Variants in SLC35F2 observed in about 807,000 individuals in gnomAD.
SLC35F2 encodes queuine/queuosine transporter SLC35F2.
A neutral mutation model predicts 38.1 loss-of-function variants in SLC35F2; 25 were observed. The ratio of observed to expected loss-of-function variants is 0.66; its 90% CI spans 0.48 to 0.92. The LOEUF is 0.92. SLC35F2 is among the 40% of genes least tolerant of loss of function. The pLI is 0.00. For missense variants in SLC35F2, 409 were observed against 452.9 expected (o/e 0.90, Z 0.88); for synonymous variants, 173 against 181.7 (o/e 0.95, Z 0.38).
intron 7 of SLC35F2, among the ~76,000 whole-genome samples, chr11:107,800,295 AT>A (rs1859287334): frequency 6.8e-6 from 1 of 147,646 alleles, no homozygotes; most frequent in Admixed American, 6.7e-5. Context: ...GTTCCTTCAC[AT>A]GTAACCTTGC....
At chr11:107,810,263 G>T (rs2134783671) in intron 3 of SLC35F2, 1 of 985,352 alleles carries the variant, frequency 1.0e-6, no homozygotes, top group South Asian at 4.7e-5. Context: ...TTTTCTAAGA[G>T]GCTAGCGTGA....
At chr11:107,852,461 G>A (rs1393230153) in intron 1 of SLC35F2, among the ~76,000 whole-genome samples, 1 of 151,236 alleles carries the variant, frequency 6.6e-6, no homozygotes, top group Non-Finnish European at 1.5e-5. Context: ...TGAGGCAGGA[G>A]AATCACTTGA....
rs867912623 is a variant in SLC35F2 at position 107,823,073 on chromosome 11, G to C, written c.111-7108C>G. On this transcript the variant is annotated intron_variant, in intron 1 of 7. Coordinates refer to ENST00000525815, the MANE Select transcript of SLC35F2 (RefSeq NM_017515.5). ...TTTACTATTTCAAATTAGATAGGCAGTCCTCTACTGATTATATATTTAAAA... is the reference window on the plus strand; with the variant it reads ...TTTACTATTTCAAATTAGATAGGCACTCCTCTACTGATTATATATTTAAAA... 128 of 833,588 alleles carry C rather than the reference G, an allele frequency of 1.5e-4. No individual in the cohort carries two copies. The South Asian group carries it at 3.2e-3, about 21-fold the overall frequency. 51.6% of individuals were successfully genotyped at this position (833,588 alleles called of 1,614,324 possible).
chr11:107,825,637 T>C (rs1859743747), intron 1 of SLC35F2, among the ~76,000 whole-genome samples: 1 of 152,008 alleles, frequency 6.6e-6, no homozygotes, highest in Non-Finnish European at 1.5e-5. Context: ...CCAAAGTTGT[T>C]GGGATTACAG....
At chr11:107,810,103 G>T (rs914873645) in intron 3 of SLC35F2, 5 of 985,330 alleles carry the variant, frequency 5.1e-6, no homozygotes, top group African/African-American at 3.5e-5. Flanking sequence ...CCAGGCCAGA[G>T]ATTTACTCAG....
chr11:107,836,106 C>T (rs566238), intron 1 of SLC35F2, among the ~76,000 whole-genome samples: 80,871 of 152,068 alleles, frequency 0.53, 22,615 homozygotes, highest in African/African-American at 0.73. Flanking sequence ...GTGGTATAAC[C>T]TAAACAGTCA....
chr11:107,819,139 C>T (rs575504799), intron 1 of SLC35F2, among the ~76,000 whole-genome samples: 1 of 152,186 alleles, frequency 6.6e-6, no homozygotes, highest in South Asian at 2.1e-4. Context: ...TAATGACTTT[C>T]TATTTCTATA....
intron 1 of SLC35F2, among the ~76,000 whole-genome samples, chr11:107,827,319 TA>T (rs1006936020): frequency 5.8e-4 from 89 of 152,144 alleles, no homozygotes; most frequent in African/African-American, 2.0e-3. Flanking sequence ...TACCTCCCAC[TA>T]AAAAGAACTA....
At chr11:107,841,935 G>A (rs1413712689) in intron 1 of SLC35F2, among the ~76,000 whole-genome samples, 6 of 151,794 alleles carry the variant, frequency 4.0e-5, no homozygotes, top group Non-Finnish European at 8.8e-5. Context: ...GCGTGGTGGT[G>A]TGCACCTGTA....
At chr11:107,849,262 G>A (rs1435784447) in intron 1 of SLC35F2, among the ~76,000 whole-genome samples, 1 of 152,168 alleles carries the variant, frequency 6.6e-6, no homozygotes, top group African/African-American at 2.4e-5. Flanking sequence ...GATGATTGGG[G>A]TCGGGGATAG....
At chr11:107,794,189 T>TTC (rs1859181967) in intron 7 of SLC35F2, among the ~76,000 whole-genome samples, 1 of 151,916 alleles carries the variant, frequency 6.6e-6, no homozygotes. Context: ...CAAGCGATTC[T>TTC]TCTGCCTCAG....
intron 7 of SLC35F2, among the ~76,000 whole-genome samples, chr11:107,797,891 G>A (rs73544951): frequency 0.093 from 14,194 of 152,144 alleles, 1,647 homozygotes; most frequent in East Asian, 0.28. Flanking sequence ...CATAGCTGGT[G>A]TTTAATAAAT....
chr11:107,832,046 T>C (rs1307056911), intron 1 of SLC35F2, among the ~76,000 whole-genome samples: 2 of 152,234 alleles, frequency 1.3e-5, no homozygotes, highest in Admixed American at 6.5e-5. Flanking sequence ...AAATATTTTT[T>C]TTTTCTGCTG....
intron 1 of SLC35F2, among the ~76,000 whole-genome samples, chr11:107,850,587 C>T (rs1371759165): frequency 6.6e-6 from 1 of 151,828 alleles, no homozygotes; most frequent in African/African-American, 2.4e-5. Flanking sequence ...ATTGGGAGGC[C>T]GAGGCAGGTG....
Position 107,803,423 on chromosome 11 carries a change from G to A in SLC35F2, c.785-268C>T, listed in dbSNP as rs1417975150. ...AGAAAATCCTGCTTATGGTGTGACAGTCCATTGCTCTTAATCACCCCTTGC... is the reference window on the plus strand; with the variant it reads ...AGAAAATCCTGCTTATGGTGTGACAATCCATTGCTCTTAATCACCCCTTGC... On this transcript the variant is annotated intron_variant, in intron 6 of 7. Transcript: ENST00000525815. 3.0e-6 allele frequency: 3 copies of A among 985,050 alleles called. No homozygotes were observed. The African/African-American group carries it at 5.2e-5, about 17-fold the overall frequency. The allele number at this position is 985,050 out of a possible 1,614,324, so 61.0% of individuals were successfully genotyped here.
At chr11:107,854,313 G>T (rs893127042) in intron 1 of SLC35F2, among the ~76,000 whole-genome samples, 2 of 150,806 alleles carry the variant, frequency 1.3e-5, no homozygotes, top group Non-Finnish European at 2.9e-5. Flanking sequence ...GCATGCCATA[G>T]TCCCAGCCAC....
intron 2 of SLC35F2, 138 bp from the exon 3 acceptor site, chr11:107,811,932 C>A: frequency 1.3e-6 from 1 of 777,262 alleles, no homozygotes; most frequent in East Asian, 2.8e-5. Context: ...GATAGGGTCT[C>A]ATTCTGTTGC....
At chr11:107,807,450 A>G (rs959039498) in intron 3 of SLC35F2, among the ~76,000 whole-genome samples, 1 of 151,358 alleles carries the variant, frequency 6.6e-6, no homozygotes. Context: ...CCCTGTCTCA[A>G]AATAAATGAA....
intron 1 of SLC35F2, among the ~76,000 whole-genome samples, chr11:107,839,198 C>A (rs1458964849): frequency 6.6e-6 from 1 of 152,198 alleles, no homozygotes; most frequent in East Asian, 1.9e-4. Context: ...CAGTGACTCA[C>A]TCCTGTATTC....
Sources: allele counts gnomAD v4.1 joint callset (sites outside exome capture counted in the v4.1 genomes callset), GRCh38; gene constraint gnomAD v4.1.1; transcripts MANE v1.5; gene names NCBI Gene and HGNC (gene_info 2026-07-23, HGNC 2026-07-21).